Variants in DLG2 observed in about 807,000 individuals in gnomAD.
The protein encoded by DLG2 is discs large MAGUK scaffold protein 2.
A neutral mutation model predicts 132.5 loss-of-function variants in DLG2; 45 were observed. That is an observed-to-expected ratio of 0.34 (90% confidence interval 0.27 to 0.44). The LOEUF is 0.44. Among genes scored for constraint, DLG2 ranks in the 20% least tolerant of loss-of-function variants. DLG2 has a pLI of 1.00. For synonymous variants in DLG2, 424 were observed against 419.6 expected, an observed-to-expected ratio of 1.01 and a Z score of -0.13; for missense variants, 1,045 against 1,196.9, an observed-to-expected ratio of 0.87 and a Z score of 1.87.
intron 6 of DLG2, chr11:84,923,048 T>A: frequency 1.9e-6 from 3 of 1,613,854 alleles, no homozygotes; most frequent in Non-Finnish European, 2.5e-6. Flanking sequence ...ATGTATATTG[T>A]GCCCAGTTGC....
chr11:85,277,679 T>C (rs984384449), intron 4 of DLG2, among the ~76,000 whole-genome samples: 1 of 152,026 alleles, frequency 6.6e-6, no homozygotes, highest in African/African-American at 2.4e-5. Context: ...TTTTTCTTTC[T>C]TTTACAAGTT....
At chr11:83,679,226 T>C (rs1262015215) in intron 18 of DLG2, among the ~76,000 whole-genome samples, 2 of 152,192 alleles carry the variant, frequency 1.3e-5, no homozygotes. Context: ...AAATAGGATC[T>C]ACCTGGTAGG....
chr11:84,942,993 TA>T (rs764914539), intron 6 of DLG2, among the ~76,000 whole-genome samples: 11 of 152,194 alleles, frequency 7.2e-5, no homozygotes, highest in Non-Finnish European at 1.0e-4. Flanking sequence ...TCTCTTTATA[TA>T]GTTTTTGTCT....
intron 9 of DLG2, among the ~76,000 whole-genome samples, chr11:84,106,813 CTGTGTGTG>C (rs71066090): frequency 0.013 from 1,757 of 132,912 alleles, 28 homozygotes; most frequent in African/African-American, 0.045. Flanking sequence ...AGATTATTAT[CTGTGTGTG>C]TGTGTGTGTG....
chr11:85,108,026 A>ACG lies in DLG2; in HGVS notation c.357+3634_357+3635insCG, dbSNP rs2072097166. On this transcript the variant is annotated intron_variant, in intron 6 of 27. Coordinates refer to ENST00000376104, the MANE Select transcript of DLG2 (RefSeq NM_001142699.3). Reference sequence around the variant, plus strand: ...CAAATAAACACACACACACACACACACATCCAGGAAGAAAGAGAACAAATA... The same window carrying ACG: ...CAAATAAACACACACACACACACACACGCATCCAGGAAGAAAGAGAACAAATA... 2.7e-5 allele frequency among the ~76,000 whole-genome samples: 4 copies of ACG among 150,094 alleles called. No individual in the cohort carries two copies. The South Asian group carries it at 8.5e-4, about 32-fold the overall frequency.
intron 7 of DLG2, among the ~76,000 whole-genome samples, chr11:84,527,893 T>TCTCTCTCTCTC (rs2099326301): frequency 6.4e-5 from 8 of 125,666 alleles, no homozygotes; most frequent in East Asian, 2.5e-4. Flanking sequence ...CTCCCTCCCT[T>TCTCTCTCTCTC]TCTCTCTCTC....
In DLG2 at chr11:84,593,915, C is replaced by T. The variant is rs1338640905; in HGVS notation, c.358-59184G>A. Among the ~76,000 whole-genome samples, 3 of 152,126 alleles carry T rather than the reference C, an allele frequency of 2.0e-5. No individual in the cohort carries two copies. In the East Asian group the frequency reaches 5.8e-4, roughly 29 times the overall value. The stretch of plus-strand genomic sequence containing the variant: ...ACTGAGCAATTATTCAACAAAGAAA[C>T]CTGTTTAACATTACCTAATTGAATA... On this transcript the variant is annotated intron_variant, in intron 6 of 27. Transcript: ENST00000376104.
intron 3 of DLG2, among the ~76,000 whole-genome samples, chr11:85,320,662 G>A (rs1292488577): frequency 3.3e-5 from 5 of 151,832 alleles, no homozygotes; most frequent in African/African-American, 1.2e-4. Flanking sequence ...CAAATAGTCA[G>A]TAAAGAGGTG....
intron 18 of DLG2, among the ~76,000 whole-genome samples, chr11:83,694,506 A>G (rs1309623349): frequency 2.6e-5 from 4 of 152,198 alleles, no homozygotes; most frequent in African/African-American, 7.2e-5. Flanking sequence ...GATAGCAACC[A>G]TATCTTCTTG....
chr11:83,668,567 C>G (rs180750099), intron 18 of DLG2, among the ~76,000 whole-genome samples: 1 of 151,584 alleles, frequency 6.6e-6, no homozygotes, highest in Non-Finnish European at 1.5e-5. Flanking sequence ...TAATTGTACT[C>G]ATATGCTATT....
chr11:84,364,409 G>A (rs1363979040), intron 7 of DLG2, among the ~76,000 whole-genome samples: 1 of 151,970 alleles, frequency 6.6e-6, no homozygotes, highest in Non-Finnish European at 1.5e-5. Flanking sequence ...GGAGATTTTG[G>A]GCTGAGACGA....
intron 5 of DLG2, among the ~76,000 whole-genome samples, chr11:85,147,167 C>T (rs2076922429): frequency 6.6e-6 from 1 of 152,174 alleles, no homozygotes; most frequent in South Asian, 2.1e-4. Flanking sequence ...AGTATTTAAG[C>T]CAGCTACTGT....
intron 21 of DLG2, among the ~76,000 whole-genome samples, chr11:83,525,602 T>C (rs2095587384): frequency 6.6e-6 from 1 of 151,928 alleles, no homozygotes; most frequent in Non-Finnish European, 1.5e-5. Flanking sequence ...CATCAAAGAG[T>C]AGCCTCTTCT....
rs1158766261 is a variant in DLG2, at chr11:83,863,089, T to A, written c.1565+11331A>T. ...GATACTGGCATTGTGTATGTAACAGTGTCCAATAAATATTTTGAATGAAAC... is the reference window on the plus strand; with the variant it reads ...GATACTGGCATTGTGTATGTAACAGAGTCCAATAAATATTTTGAATGAAAC... On this transcript the variant is annotated intron_variant, in intron 16 of 27. Coordinates refer to ENST00000376104, the MANE Select transcript of DLG2 (RefSeq NM_001142699.3). Among the ~76,000 whole-genome samples, 3 of 152,140 alleles carry A rather than the reference T, an allele frequency of 2.0e-5. No individual in the cohort carries two copies. The East Asian group carries it at 5.8e-4, about 29-fold the overall frequency.
At chr11:85,009,026 A>C (rs968449093) in intron 6 of DLG2, among the ~76,000 whole-genome samples, 1 of 152,056 alleles carries the variant, frequency 6.6e-6, no homozygotes, top group South Asian at 2.1e-4. Flanking sequence ...GACAAATACA[A>C]AAGTCCTAAG....
intron 21 of DLG2, among the ~76,000 whole-genome samples, chr11:83,497,214 C>T (rs548938236): frequency 9.2e-5 from 14 of 152,106 alleles, no homozygotes; most frequent in Non-Finnish European, 1.6e-4. Context: ...AATAACTGAA[C>T]ATCTGGTGAA....
intron 6 of DLG2, among the ~76,000 whole-genome samples, chr11:84,855,561 G>T (rs907135160): frequency 6.6e-6 from 1 of 151,994 alleles, no homozygotes; most frequent in Non-Finnish European, 1.5e-5. Flanking sequence ...ATAAAAACAA[G>T]AAACATCTTC....
intron 21 of DLG2, among the ~76,000 whole-genome samples, chr11:83,513,665 T>C (rs1565572159): frequency 6.6e-6 from 1 of 152,226 alleles, no homozygotes; most frequent in African/African-American, 2.4e-5. Flanking sequence ...GTTTTAGATC[T>C]AACATTTAAG....
intron 4 of DLG2, among the ~76,000 whole-genome samples, chr11:85,269,659 T>C (rs962577036): frequency 6.6e-6 from 1 of 152,194 alleles, no homozygotes; most frequent in Admixed American, 6.5e-5. Flanking sequence ...TTCACAATAG[T>C]GTTAATGTTA....
Sources: allele counts gnomAD v4.1 joint callset (sites outside exome capture counted in the v4.1 genomes callset), GRCh38; gene constraint gnomAD v4.1.1; transcripts MANE v1.5; gene names NCBI Gene and HGNC (gene_info 2026-07-23, HGNC 2026-07-21).